DGCR8: variants seen among roughly 807,000 people sequenced by gnomAD.
DGCR8 encodes the protein DGCR8 microprocessor complex subunit, also known as microprocessor complex subunit DGCR8.
Under a neutral mutation model 78.5 loss-of-function variants are expected in DGCR8, and 14 were observed. That is an observed-to-expected ratio of 0.18 (90% confidence interval 0.12 to 0.28). The LOEUF is 0.28. Among genes scored for constraint, DGCR8 ranks in the 10% least tolerant of loss-of-function variants. The pLI, the probability that DGCR8 is intolerant of heterozygous loss-of-function variation, is 1.00. For missense variants in DGCR8, 702 were observed against 1,022.5 expected (o/e 0.69, Z 4.28); for synonymous variants, 399 against 402.4 (o/e 0.99, Z 0.10).
At position 20,085,882 on chromosome 22, in the gene DGCR8, G is replaced by T; in HGVS notation, c.-82G>T. 2 of 1,502,662 alleles carry T rather than the reference G, an allele frequency of 1.3e-6. No individual in the cohort carries two copies. The highest frequency in any genetic ancestry group is 1.8e-6 in the Non-Finnish European group (2 of 1,133,662). The allele number at this position is 1,502,662 out of a possible 1,614,324, so 93.1% of individuals were successfully genotyped here. On this transcript the variant is annotated 5_prime_UTR_variant, in exon 2 of 14. Coordinates refer to ENST00000351989, the MANE Select transcript of DGCR8 (RefSeq NM_022720.7). The surrounding 1 kb of genome is among the most constrained non-coding windows in gnomAD (Gnocchi z 6.2). ...GGCAGGACGCGCCCGGGTCTCAGCG[G>T]ACTTGTGCATGTTAGCTGTGTAGAT...
chr22:20,098,594 G>C (rs963562032), intron 9 of DGCR8, among the ~76,000 whole-genome samples: 1 of 152,116 alleles, frequency 6.6e-6, no homozygotes, highest in Non-Finnish European at 1.5e-5. Flanking sequence ...GTTTGCTAGG[G>C]ATACTGTAAC....
At chr22:20,080,623 C>T (rs1032178195) in intron 1 of DGCR8, 3 of 419,258 alleles carry the variant, frequency 7.2e-6, no homozygotes, top group African/African-American at 4.3e-5. Flanking sequence ...TCGCTGTCCG[C>T]CCGGGTAAAG....
intron 9 of DGCR8, chr22:20,102,167 T>G: frequency 1.5e-6 from 1 of 667,252 alleles, no homozygotes; most frequent in Non-Finnish European, 1.9e-6. Flanking sequence ...AAATACACAG[T>G]CATGTAACCA....
At chr22:20,100,419 G>T (rs1469365697) in intron 9 of DGCR8, 1 of 985,396 alleles carries the variant, frequency 1.0e-6, no homozygotes, top group Non-Finnish European at 1.2e-6. Context: ...CTCCCAGGGA[G>T]GCTTCCAAGG....
chr22:20,111,202 G>T lies in DGCR8; in HGVS notation c.*1094G>T. The T allele has an allele frequency of 2.5e-6, 1 of 398,846 alleles. No homozygotes were observed. The highest frequency in any genetic ancestry group is 4.4e-6 in the Non-Finnish European group (1 of 226,060). 24.7% of individuals were successfully genotyped at this position (398,846 alleles called of 1,614,324 possible). On this transcript the variant is annotated 3_prime_UTR_variant, in exon 14 of 14. Coordinates refer to ENST00000351989, the MANE Select transcript of DGCR8 (RefSeq NM_022720.7). ...GGGTGTGCGATGGAAATGTGTTCCTGCCGGAGTCTGAGGCACCAGGGTGTG... is the reference window on the plus strand; with the variant it reads ...GGGTGTGCGATGGAAATGTGTTCCTTCCGGAGTCTGAGGCACCAGGGTGTG...
In DGCR8 at chr22:20,106,296, T is replaced by TC; in HGVS notation, c.1889+25dup. ...TTAAAAGGTAGGGTAGGGGGGTGCC[T>TC]CCCCCCATGAGTCAGGTCGGGGGAG... is the stretch of plus-strand genomic sequence containing the variant. On this transcript the variant is annotated intron_variant, in intron 10 of 13. Transcript: ENST00000351989. 1 of 1,569,480 alleles carries TC rather than the reference T, an allele frequency of 6.4e-7. No individual in the cohort carries two copies.
intron 12 of DGCR8, chr22:20,108,522 C>G (rs1334467496): frequency 4.3e-6 from 1 of 230,950 alleles, no homozygotes; most frequent in Non-Finnish European, 8.7e-6. Flanking sequence ...ATGGGCTGGG[C>G]TGCAGCGTGC....
In DGCR8 at chr22:20,110,135, G is replaced by A. The variant is rs1458887762; in HGVS notation, c.*27G>A. 1.9e-6 allele frequency: 3 copies of A among 1,600,108 alleles called. No individual in the cohort carries two copies. Among genetic ancestry groups the A allele is most frequent in the Admixed American group, 3.3e-5 (2 of 59,924 alleles). ...GGAGGTGGCACGGGCCAGGGCGCGG[G>A]GGCCGCCAGCCGCACTTCTGAGGAG... On this transcript the variant is annotated 3_prime_UTR_variant, in exon 14 of 14. Transcript: ENST00000351989.
rs1476657531 is a variant in DGCR8 at position 20,086,094 on chromosome 22, G to C, written c.131G>C (p.Ser44Thr). The C allele has an allele frequency of 6.2e-7, 1 of 1,614,178 alleles. No individual in the cohort carries two copies. Among genetic ancestry groups the C allele is most frequent in the Non-Finnish European group, 8.5e-7 (1 of 1,180,046 alleles). ...QSPPPPLQTS[S>T]GAEVMDVGSG... ...CCACCACCTCCCCTGCAAACGTCCAGTGGTGCAGAGGTAATGGACGTTGGC... is the reference window on the plus strand; with the variant it reads ...CCACCACCTCCCCTGCAAACGTCCACTGGTGCAGAGGTAATGGACGTTGGC... The change falls in exon 2 of 14, where the codon AGT becomes ACT. Residue 44 changes from serine (S) to threonine (T), a missense_variant. Ser to Thr is a moderately conservative substitution (Grantham distance 58). This residue lies in a region of DGCR8 where 356 missense variants were observed against 448.9 expected (regional missense o/e 0.79). Coordinates refer to ENST00000351989, the MANE Select transcript of DGCR8 (RefSeq NM_022720.7). This position sits in a 1 kb window ranked among gnomAD's most constrained non-coding sequence, Gnocchi z 6.4.
At position 20,111,865 on chromosome 22, in the gene DGCR8, G is replaced by C. The variant is rs974280822; in HGVS notation, c.*1757G>C. ...ATTGTCTGAACACATAAAGCAAACT[G>C]TCCAGAAGGGAATGGCTGATGTCTT... On this transcript the variant is annotated 3_prime_UTR_variant, in exon 14 of 14. Coordinates refer to ENST00000351989, the MANE Select transcript of DGCR8 (RefSeq NM_022720.7). The C allele has an allele frequency of 5.9e-6, 1 of 168,494 alleles. No individual in the cohort carries two copies. Among genetic ancestry groups the C allele is most frequent in the African/African-American group, 2.4e-5 (1 of 42,160 alleles). The allele number at this position is 168,494 out of a possible 1,614,324, so 10.4% of individuals were successfully genotyped here.
At chr22:20,094,551 C>T (rs2286926) in intron 8 of DGCR8, among the ~76,000 whole-genome samples, 162 bp from the exon 9 acceptor site, 7,115 of 152,300 alleles carry the variant, frequency 0.047, 237 homozygotes, top group East Asian at 0.091. Flanking sequence ...GCTTTTCCTT[C>T]TGTCCTCTCC....
At chr22:20,093,712 G>A (rs1479504218) in intron 8 of DGCR8, among the ~76,000 whole-genome samples, 1 of 152,206 alleles carries the variant, frequency 6.6e-6, no homozygotes, top group Non-Finnish European at 1.5e-5. Context: ...CGCAGCTCTG[G>A]GAAGGCTGTG....
Position 20,086,778 on chromosome 22 carries a change from A to C in DGCR8, c.720+95A>C. The stretch of plus-strand genomic sequence containing the variant: ...CTTTTGAAAGCAGGGAAATTAAAAA[A>C]AAAAAAAACAAAAACCAAAATCCCC... On this transcript the variant is annotated intron_variant, in intron 2 of 13. Coordinates refer to ENST00000351989, the MANE Select transcript of DGCR8 (RefSeq NM_022720.7). The surrounding 1 kb of genome is among the most constrained non-coding windows in gnomAD (Gnocchi z 6.4). 1 of 1,420,088 alleles carries C rather than the reference A, an allele frequency of 7.0e-7. No individual in the cohort carries two copies. The highest frequency in any genetic ancestry group is 1.4e-5 in the South Asian group (1 of 70,926). 88.0% of individuals were successfully genotyped at this position (1,420,088 alleles called of 1,614,324 possible).
At position 20,090,210 on chromosome 22, in the gene DGCR8, C is replaced by G. The variant is rs967992945; in HGVS notation, c.1258C>G (p.Leu420Val). Residue 420 changes from leucine (L) to valine (V), a missense_variant, in exon 5 of 14, where the codon CTG becomes GTG. By Grantham distance (32) the Leu-to-Val change is conservative. Around this residue, in one of 4 missense-constraint regions of DGCR8, gnomAD observed 119 missense variants for 126.1 expected, o/e 0.94. Coordinates refer to ENST00000351989, the MANE Select transcript of DGCR8 (RefSeq NM_022720.7). Reference protein sequence around the residue: ...PLGAEAAPGALGQVKAKVEVC... With the variant: ...PLGAEAAPGAVGQVKAKVEVC... The stretch of plus-strand genomic sequence containing the variant: ...AGGGGCTGAGGCAGCCCCTGGGGCC[C>G]TGGGGCAGGTGAAGGCCAAAGTCGA... 6 of 1,612,848 alleles carry G rather than the reference C, an allele frequency of 3.7e-6. No homozygotes were observed. Among genetic ancestry groups the G allele is most frequent in the Non-Finnish European group, 4.2e-6 (5 of 1,179,714 alleles).
intron 8 of DGCR8, 46 bp from the exon 9 acceptor site, chr22:20,094,667 A>G: frequency 1.3e-6 from 2 of 1,545,642 alleles, no homozygotes; most frequent in Non-Finnish European, 8.9e-7. Flanking sequence ...GGTGGTGAGA[A>G]GAGGGCAGTG....
chr22:20,091,641 C>G lies in DGCR8; in HGVS notation c.1504+9C>G, dbSNP rs372786831. Reference sequence around the variant, plus strand: ...TGCACCCACAAAGAAAGGTATAAGCCTCTGCATTTTAACATCAGCAGACTG... The same window carrying G: ...TGCACCCACAAAGAAAGGTATAAGCGTCTGCATTTTAACATCAGCAGACTG... On this transcript the variant is annotated intron_variant, in intron 6 of 13. Coordinates refer to ENST00000351989, the MANE Select transcript of DGCR8 (RefSeq NM_022720.7). The G allele has an allele frequency of 2.0e-5, 32 of 1,612,862 alleles. No homozygotes were observed. The Admixed American group carries it at 2.8e-4, about 14-fold the overall frequency.
intron 9 of DGCR8, among the ~76,000 whole-genome samples, chr22:20,095,676 G>A (rs2049620673): frequency 1.3e-5 from 2 of 152,124 alleles, no homozygotes; most frequent in Admixed American, 1.3e-4. Flanking sequence ...CGGTGTTGGG[G>A]GGCGGGGATG....
chr22:20,108,228 A>G (rs990466952), intron 12 of DGCR8: 4 of 152,458 alleles, frequency 2.6e-5, no homozygotes. Context: ...ATTTTTGGGA[A>G]GCAAGTTGAA....
intron 10 of DGCR8, 62 bp downstream of exon 10, chr22:20,106,339 A>G: frequency 7.2e-7 from 1 of 1,396,838 alleles, no homozygotes; most frequent in Non-Finnish European, 1.0e-6. Flanking sequence ...CTGGCGTCTC[A>G]TATTCTTGTG....
Sources: allele counts gnomAD v4.1 joint callset (sites outside exome capture counted in the v4.1 genomes callset), GRCh38; gene constraint gnomAD v4.1.1; regional missense constraint gnomAD v4.1.1; non-coding constraint Gnocchi (gnomAD v3.1); transcripts MANE v1.5; gene names NCBI Gene and HGNC (gene_info 2026-07-23, HGNC 2026-07-21).